LAMA3: variants seen among roughly 807,000 people sequenced by gnomAD.
LAMA3 encodes the protein laminin subunit alpha-3.
In LAMA3, 281 loss-of-function variants were observed where a neutral mutation model predicts 402.0. That is an observed-to-expected ratio of 0.70 (90% CI 0.63 to 0.77). The LOEUF (loss-of-function observed/expected upper bound fraction) is 0.77, where lower values mean the gene tolerates loss of function less well. Ranked by LOEUF, LAMA3 falls within the 30% of genes least tolerant of loss-of-function variation. The pLI, the probability that LAMA3 is intolerant of heterozygous loss-of-function variation, is 0.00. For missense variants in LAMA3, 3,840 were observed against 4,215.5 expected (o/e 0.91, Z 2.47); for synonymous variants, 1,431 against 1,558.4 (o/e 0.92, Z 1.93).
intron 5 of LAMA3, 108 bp from the exon 6 acceptor site, chr18:23,753,613 G>A (rs574753861): frequency 5.9e-5 from 46 of 785,232 alleles, no homozygotes; most frequent in African/African-American, 3.2e-4. Context: ...TCAAGAATAC[G>A]GAATTTTAAA....
chr18:23,794,600 C>G (rs888857878), intron 12 of LAMA3, among the ~76,000 whole-genome samples: 1 of 152,200 alleles, frequency 6.6e-6, no homozygotes, highest in Non-Finnish European at 1.5e-5. Flanking sequence ...TGGATTTCTA[C>G]TTACTTTCTG....
intron 36 of LAMA3, among the ~76,000 whole-genome samples, chr18:23,866,309 T>C (rs767269823): frequency 6.6e-6 from 1 of 152,342 alleles, no homozygotes; most frequent in Non-Finnish European, 1.5e-5. Flanking sequence ...ATTAATGCGA[T>C]GTAATGATAG....
chr18:23,777,464 A>T, intron 10 of LAMA3, 93 bp from the exon 11 acceptor site: 1 of 861,852 alleles, frequency 1.2e-6, no homozygotes, highest in Non-Finnish European at 2.0e-6. Flanking sequence ...TCACTAAGTG[A>T]CAGAGGGTGT....
chr18:23,722,001 T>C (rs188625729), intron 2 of LAMA3, among the ~76,000 whole-genome samples: 11 of 152,360 alleles, frequency 7.2e-5, no homozygotes, highest in Admixed American at 3.9e-4. Context: ...GGTTTTCTAT[T>C]ACTTTTGGAA....
chr18:23,734,458 C>G (rs2061441227), intron 2 of LAMA3, among the ~76,000 whole-genome samples: 1 of 152,168 alleles, frequency 6.6e-6, no homozygotes, highest in African/African-American at 2.4e-5. Flanking sequence ...TTATTTGAAG[C>G]CACTGAGGTT....
chr18:23,772,192 C>T, intron 8 of LAMA3, among the ~76,000 whole-genome samples: 1 of 152,104 alleles, frequency 6.6e-6, no homozygotes, highest in Admixed American at 6.5e-5. Context: ...CAGGTGTGTG[C>T]CACCATGCCC....
chr18:23,904,049 C>G lies in LAMA3; in HGVS notation c.6435C>G (p.His2145Gln), dbSNP rs769711853. 1.2e-6 allele frequency: 2 copies of G among 1,613,998 alleles called. No individual in the cohort carries two copies. The highest frequency in any genetic ancestry group is 8.5e-7 in the Non-Finnish European group (1 of 1,180,034). Residue 2145 changes from histidine (H) to glutamine (Q), a missense_variant, in exon 50 of 75, where the codon CAC becomes CAG. Around this residue, in one of 3 missense-constraint regions of LAMA3, gnomAD observed 891 missense variants for 857.5 expected, o/e 1.04. Transcript: ENST00000313654. ...CCCTTGTGGAGGAGGCAGAAAAGCA[C>G]GCGCGGTCCTTACAAGAGCTGGCAA... ...KTSLVEEAEKHARSLQELAKQ... is the reference protein window; with the variant it reads ...KTSLVEEAEKQARSLQELAKQ...
At chr18:23,825,838 A>C (rs2063371747) in intron 21 of LAMA3, among the ~76,000 whole-genome samples, 1 of 152,102 alleles carries the variant, frequency 6.6e-6, no homozygotes, top group East Asian at 1.9e-4. Flanking sequence ...GCCTATGATC[A>C]ACCTTTACTA....
intron 1 of LAMA3, among the ~76,000 whole-genome samples, chr18:23,691,950 G>A (rs2060596386): frequency 6.6e-6 from 1 of 152,220 alleles, no homozygotes; most frequent in South Asian, 2.1e-4. Context: ...TCAAATGGAA[G>A]AACTGCATTG....
chr18:23,873,908 G>C (rs756836444), intron 38 of LAMA3, among the ~76,000 whole-genome samples: 1 of 152,076 alleles, frequency 6.6e-6, no homozygotes, highest in Non-Finnish European at 1.5e-5. Context: ...GAACACATTC[G>C]TTTTCATTTA....
At chr18:23,710,790 TAAAG>T (rs1331113751) in intron 1 of LAMA3, among the ~76,000 whole-genome samples, 2 of 152,146 alleles carry the variant, frequency 1.3e-5, no homozygotes, top group African/African-American at 2.4e-5. Context: ...AAGAGTAACT[TAAAG>T]AAGCCAAACT....
At chr18:23,887,678 G>T (rs2080484251) in intron 41 of LAMA3, among the ~76,000 whole-genome samples, 1 of 152,202 alleles carries the variant, frequency 6.6e-6, no homozygotes, top group Non-Finnish European at 1.5e-5. Context: ...ACAGTCAAGG[G>T]TGAAAAGCAG....
At chr18:23,700,967 G>A (rs185301240) in intron 1 of LAMA3, among the ~76,000 whole-genome samples, 116 of 152,158 alleles carry the variant, frequency 7.6e-4, no homozygotes, top group African/African-American at 2.5e-3. Flanking sequence ...AAAAGTGCTG[G>A]GATTACAGGC....
Position 23,923,865 on chromosome 18 carries a change from A to G in LAMA3, c.8177+2280A>G, listed in dbSNP as rs1358682597. On this transcript the variant is annotated intron_variant, in intron 62 of 74. Coordinates refer to ENST00000313654, the MANE Select transcript of LAMA3 (RefSeq NM_198129.4). ...GCCAGTCAGTCCAGGTTTTCTAGAA[A>G]AGAGCAGTAGGTAGAACCACAAAAG... Among the ~76,000 whole-genome samples, 6 of 152,180 alleles carry G rather than the reference A, an allele frequency of 3.9e-5. No individual in the cohort carries two copies. In the East Asian group the frequency reaches 1.2e-3, roughly 29 times the overall value.
chr18:23,815,597 A>C (rs2063160983), intron 17 of LAMA3, 24 bp downstream of exon 17: 1 of 1,437,778 alleles, frequency 7.0e-7, no homozygotes, highest in South Asian at 1.1e-5. Context: ...TTGGGCCCTG[A>C]GCAAAGCACA....
At chr18:23,894,606 T>C (rs965612744) in intron 43 of LAMA3, among the ~76,000 whole-genome samples, 6 of 152,232 alleles carry the variant, frequency 3.9e-5, no homozygotes, top group African/African-American at 1.2e-4. Flanking sequence ...GGGAAGTGCT[T>C]GTAAATGTCT....
chr18:23,851,331 A>G (rs926915418), intron 32 of LAMA3, among the ~76,000 whole-genome samples: 1 of 152,082 alleles, frequency 6.6e-6, no homozygotes, highest in Non-Finnish European at 1.5e-5. Context: ...CTCTCTGATG[A>G]TGCTTCTCTG....
chr18:23,725,844 C>A (rs2061291597), intron 2 of LAMA3, among the ~76,000 whole-genome samples: 2 of 152,236 alleles, frequency 1.3e-5, no homozygotes, highest in Admixed American at 1.3e-4. Flanking sequence ...AGCTGTTGCA[C>A]TTCTCTCTTT....
At chr18:23,690,561 C>G (rs368174100) in intron 1 of LAMA3, among the ~76,000 whole-genome samples, 3 of 152,174 alleles carry the variant, frequency 2.0e-5, no homozygotes, top group African/African-American at 7.2e-5. Context: ...CTCAGAGATC[C>G]GAGCCTCACC....
Sources: allele counts gnomAD v4.1 joint callset (sites outside exome capture counted in the v4.1 genomes callset), GRCh38; gene constraint gnomAD v4.1.1; regional missense constraint gnomAD v4.1.1; transcripts MANE v1.5; gene names NCBI Gene and HGNC (gene_info 2026-07-23, HGNC 2026-07-21).